Variants in PPA2 observed in about 807,000 individuals in gnomAD.
The protein encoded by PPA2 is inorganic pyrophosphatase 2.
A neutral mutation model predicts 49.5 loss-of-function variants in PPA2; 48 were observed. The observed-to-expected ratio is 0.97, with a 90% CI of 0.77 to 1.23. The LOEUF (loss-of-function observed/expected upper bound fraction) is 1.23, where lower values mean the gene tolerates loss of function less well. Among genes scored for constraint, PPA2 ranks in the 50% most tolerant of loss-of-function variants. PPA2 has a pLI of 0.00. For missense variants in PPA2, 429 were observed against 410.1 expected (o/e 1.05, Z -0.40); for synonymous variants, 131 against 139.9 (o/e 0.94, Z 0.45).
chr4:105,396,165 G>A, intron 9 of PPA2, 84 bp downstream of exon 9: 1 of 843,376 alleles, frequency 1.2e-6, no homozygotes, highest in Non-Finnish European at 1.8e-6. Flanking sequence ...TAAAAAAAAT[G>A]CAAAAATCTG....
At chr4:105,457,565 G>A (rs1305348825) in intron 1 of PPA2, among the ~76,000 whole-genome samples, 1 of 152,114 alleles carries the variant, frequency 6.6e-6, no homozygotes, top group Admixed American at 6.5e-5. Context: ...CAATAGCAAT[G>A]AGCACACCAG....
At chr4:105,471,238 A>G (rs1448045517) in intron 1 of PPA2, among the ~76,000 whole-genome samples, 3 of 152,170 alleles carry the variant, frequency 2.0e-5, no homozygotes, top group Non-Finnish European at 4.4e-5. Flanking sequence ...AGATGCAGGG[A>G]GGTGAAGTGA....
rs535494558 is a variant in PPA2, at chr4:105,423,489, A to G, written c.655+707T>C. On this transcript the variant is annotated intron_variant, in intron 7 of 11. Transcript: ENST00000341695. ...TATGTGAAAGCCAGATGCTTTAAAT[A>G]AATCGTTTCTTATATTGCCAACAAC... is the stretch of plus-strand genomic sequence containing the variant. 2.0e-5 allele frequency: 3 copies of G among 152,288 alleles called. No individual in the cohort carries two copies. The East Asian group carries it at 5.8e-4, about 29-fold the overall frequency. The allele number at this position is 152,288 out of a possible 1,614,324, so 9.4% of individuals were successfully genotyped here. A position where few individuals can be genotyped will look rare whatever the true frequency, so the allele number is the denominator to read the frequency against.
At chr4:105,376,903 T>C (rs1263728266) in intron 10 of PPA2, among the ~76,000 whole-genome samples, 2 of 152,186 alleles carry the variant, frequency 1.3e-5, no homozygotes, top group South Asian at 2.1e-4. Flanking sequence ...GTACCAAGTA[T>C]TAGAGAACCT....
At chr4:105,467,823 C>G (rs1315077495) in intron 1 of PPA2, among the ~76,000 whole-genome samples, 1 of 152,152 alleles carries the variant, frequency 6.6e-6, no homozygotes, top group Non-Finnish European at 1.5e-5. Context: ...AAGAGAGAAA[C>G]AAGTTCGGTG....
At chr4:105,450,306 A>C (rs1262981438) in intron 3 of PPA2, among the ~76,000 whole-genome samples, 2 of 152,186 alleles carry the variant, frequency 1.3e-5, no homozygotes, top group African/African-American at 4.8e-5. Context: ...CATTTGTAGC[A>C]ATTTAAAAGA....
At chr4:105,374,020 A>G (rs1733137865) in intron 10 of PPA2, among the ~76,000 whole-genome samples, 1 of 152,184 alleles carries the variant, frequency 6.6e-6, no homozygotes, top group Admixed American at 6.5e-5. Context: ...TGGAACAAAG[A>G]GATGTATGGA....
At chr4:105,405,493 T>C (rs1272622764) in intron 7 of PPA2, 4 of 912,670 alleles carry the variant, frequency 4.4e-6, no homozygotes, top group Admixed American at 6.1e-5. Context: ...TTTAAACATT[T>C]GGAATGGAGA....
intron 7 of PPA2, among the ~76,000 whole-genome samples, chr4:105,411,526 G>A (rs1480837642): frequency 5.3e-5 from 8 of 152,148 alleles, no homozygotes; most frequent in Admixed American, 3.9e-4. Flanking sequence ...TGGAAAATCA[G>A]CACAAGACAA....
chr4:105,449,434 A>G, intron 3 of PPA2, 31 bp from the exon 4 acceptor site: 1 of 1,443,270 alleles, frequency 6.9e-7, no homozygotes. Flanking sequence ...AAGAGAGAAC[A>G]TTAAAAATTT....
intron 7 of PPA2, among the ~76,000 whole-genome samples, chr4:105,402,233 C>T (rs1454993776): frequency 6.6e-6 from 1 of 150,992 alleles, no homozygotes; most frequent in African/African-American, 2.4e-5. Flanking sequence ...ATAGTGAGAC[C>T]CCATCTAAAA....
At chr4:105,428,273 A>G (rs148421438) in intron 6 of PPA2, among the ~76,000 whole-genome samples, 150 of 152,340 alleles carry the variant, frequency 9.8e-4, no homozygotes, top group Non-Finnish European at 1.8e-3. Context: ...GATCGATGCT[A>G]TGAAGAAACT....
intron 7 of PPA2, among the ~76,000 whole-genome samples, chr4:105,419,915 ACT>A (rs1723177010): frequency 6.6e-6 from 1 of 151,844 alleles, no homozygotes; most frequent in South Asian, 2.1e-4. Flanking sequence ...AAAAAGAAAA[ACT>A]CTGACAAACC....
intron 7 of PPA2, 146 bp downstream of exon 7, chr4:105,424,050 T>C (rs1723376160): frequency 1.3e-5 from 11 of 816,490 alleles, no homozygotes; most frequent in Non-Finnish European, 1.8e-5. Flanking sequence ...ACTTTCTTCA[T>C]TTAAAATATA....
intron 8 of PPA2, among the ~76,000 whole-genome samples, chr4:105,397,281 G>A (rs941260862): frequency 4.6e-5 from 7 of 152,094 alleles, no homozygotes; most frequent in Non-Finnish European, 7.4e-5. Context: ...AATTTCTCTC[G>A]GGTCTACGAT....
intron 1 of PPA2, among the ~76,000 whole-genome samples, chr4:105,463,961 G>A (rs373813836): frequency 7.4e-5 from 11 of 149,024 alleles, no homozygotes; most frequent in African/African-American, 2.6e-4. Context: ...ATATGAGGTC[G>A]GGGCCCCCAT....
chr4:105,377,337 C>A (rs1733297669), intron 10 of PPA2, among the ~76,000 whole-genome samples: 1 of 152,068 alleles, frequency 6.6e-6, no homozygotes, highest in African/African-American at 2.4e-5. Flanking sequence ...TATTGAATAC[C>A]TTATCTGCTG....
At chr4:105,396,446 G>T in intron 8 of PPA2, 112 bp from the exon 9 acceptor site, 1 of 688,434 alleles carries the variant, frequency 1.5e-6, no homozygotes, top group Non-Finnish European at 2.3e-6. Flanking sequence ...ATGAGCTCCA[G>T]AGTCAGGCAA....
intron 1 of PPA2, among the ~76,000 whole-genome samples, chr4:105,468,523 A>C (rs1723399600): frequency 6.6e-6 from 1 of 152,230 alleles, no homozygotes; most frequent in African/African-American, 2.4e-5. Context: ...CATGGAGGTG[A>C]CAGGTAGCCC....
Sources: gnomAD v4.1 joint callset for allele counts (sites outside exome capture counted in the v4.1 genomes callset) on GRCh38, gnomAD v4.1.1 for gene constraint, MANE v1.5 for transcripts, NCBI Gene and HGNC (gene_info 2026-07-23, HGNC 2026-07-21) for gene names.